Variants in LPIN1 observed in about 807,000 individuals in gnomAD.
LPIN1 encodes lipin 1.
A neutral mutation model predicts 107.5 loss-of-function variants in LPIN1; 71 were observed. That is an observed-to-expected ratio of 0.66 (90% confidence interval 0.55 to 0.80). The LOEUF (loss-of-function observed/expected upper bound fraction) is 0.80, where lower values mean the gene tolerates loss of function less well. Ranked by LOEUF, LPIN1 falls within the 30% of genes least tolerant of loss-of-function variation. LPIN1 has a pLI of 0.00. For missense variants in LPIN1, 1,043 were observed against 1,160.6 expected, an observed-to-expected ratio of 0.90 and a Z score of 1.47; for synonymous variants, 445 against 452.6, an observed-to-expected ratio of 0.98 and a Z score of 0.21.
At chr2:11,695,176 A>G (rs983609456) in intron 1 of LPIN1, among the ~76,000 whole-genome samples, 6 of 152,248 alleles carry the variant, frequency 3.9e-5, no homozygotes, top group Non-Finnish European at 8.8e-5. Flanking sequence ...AAAACAACTC[A>G]AAAGTAAACA....
intron 1 of LPIN1, among the ~76,000 whole-genome samples, chr2:11,735,557 A>G (rs1406434868): frequency 1.3e-5 from 2 of 152,152 alleles, no homozygotes; most frequent in Non-Finnish European, 2.9e-5. Context: ...TTAGTCCTTC[A>G]ACAAGTCTTC....
intron 16 of LPIN1, 93 bp from the exon 17 acceptor site, chr2:11,804,977 T>G: frequency 1.2e-6 from 1 of 835,350 alleles, no homozygotes; most frequent in Non-Finnish European, 2.0e-6. Context: ...GTGGGTCTTG[T>G]TTGTGTTTTT....
chr2:11,700,083 T>A (rs1435086407), intron 1 of LPIN1, among the ~76,000 whole-genome samples: 2 of 152,184 alleles, frequency 1.3e-5, no homozygotes, highest in South Asian at 4.1e-4. Flanking sequence ...CTGGTGGCCA[T>A]CTGTCTGCCT....
Position 11,785,922 on chromosome 2 carries a change from C to T in LPIN1, c.1549+846C>T, listed in dbSNP as rs181922319. ...AACAAGATTGTGTGCTGGGTCCCGCCGGCTCCATTCATTCACTCAGTTTTC... is the reference window on the plus strand; with the variant it reads ...AACAAGATTGTGTGCTGGGTCCCGCTGGCTCCATTCATTCACTCAGTTTTC... On this transcript the variant is annotated intron_variant, in intron 10 of 20. Transcript: ENST00000674199. Among the ~76,000 whole-genome samples the T allele has an allele frequency of 1.8e-4, 27 of 152,332 alleles. No homozygotes were observed. The East Asian group carries it at 4.2e-3, about 24-fold the overall frequency.
At chr2:11,729,910 C>T (rs1429165213) in intron 1 of LPIN1, among the ~76,000 whole-genome samples, 1 of 151,878 alleles carries the variant, frequency 6.6e-6, no homozygotes, top group East Asian at 1.9e-4. Flanking sequence ...TGATATTTAA[C>T]CTACTTGGTT....
At chr2:11,761,728 T>C (rs771498544) in intron 1 of LPIN1, among the ~76,000 whole-genome samples, 5 of 152,272 alleles carry the variant, frequency 3.3e-5, no homozygotes, top group Middle Eastern at 3.4e-3. Flanking sequence ...GCTTATTTCA[T>C]AGGGGTTGAG....
In LPIN1 at chr2:11,786,363, C is replaced by T. The variant is rs973594180; in HGVS notation, c.1550-711C>T. On this transcript the variant is annotated intron_variant, in intron 10 of 20. Coordinates refer to ENST00000674199, the MANE Select transcript of LPIN1 (RefSeq NM_001349206.2). This position sits in a 1 kb window ranked among gnomAD's most constrained non-coding sequence, Gnocchi z 4.1. ...GCTCCCAGGGAAGGAGTGGGCGTGG[C>T]TCTGGGCCAGGGAGATGGTCAGAAC... Among the ~76,000 whole-genome samples, 4 of 152,118 alleles carry T rather than the reference C, an allele frequency of 2.6e-5. No homozygotes were observed. The highest frequency in any genetic ancestry group is 4.4e-5 in the Non-Finnish European group (3 of 68,014).
At chr2:11,806,679 T>A (rs772240483) in intron 17 of LPIN1, among the ~76,000 whole-genome samples, 1 of 152,170 alleles carries the variant, frequency 6.6e-6, no homozygotes, top group Non-Finnish European at 1.5e-5. Context: ...AAATTATTAA[T>A]ACAAAAGTTA....
At chr2:11,759,113 T>C (rs180853450) in intron 1 of LPIN1, among the ~76,000 whole-genome samples, 116 of 149,636 alleles carry the variant, frequency 7.8e-4, no homozygotes, top group Non-Finnish European at 1.4e-3. Flanking sequence ...AGTTATGAGC[T>C]AGCTAGCTTG....
At chr2:11,752,452 G>A (rs1287426301) in intron 1 of LPIN1, among the ~76,000 whole-genome samples, 1 of 39,630 alleles carries the variant, frequency 2.5e-5, no homozygotes, top group African/African-American at 6.5e-4. Flanking sequence ...TTTTTTTTGA[G>A]ACGGAGTCTC....
At chr2:11,749,818 C>CA (rs1401698148) in intron 1 of LPIN1, among the ~76,000 whole-genome samples, 2 of 152,230 alleles carry the variant, frequency 1.3e-5, no homozygotes, top group Non-Finnish European at 2.9e-5. Context: ...GTCATGGCTA[C>CA]AGGGTCATGG....
chr2:11,739,335 G>A (rs796634453), intron 1 of LPIN1, among the ~76,000 whole-genome samples: 3 of 152,352 alleles, frequency 2.0e-5, no homozygotes, highest in East Asian at 3.9e-4. Flanking sequence ...GAGAGCTTGA[G>A]TTAGAGCCAC....
chr2:11,824,258 A>G (rs1682050491), intron 20 of LPIN1, among the ~76,000 whole-genome samples: 2 of 151,516 alleles, frequency 1.3e-5, no homozygotes, highest in Admixed American at 6.6e-5. Flanking sequence ...AGGTGCTCCA[A>G]AGATGTGCCT....
chr2:11,804,443 T>C lies in LPIN1; in HGVS notation c.2034T>C (p.Asn678=), dbSNP rs1343528352. 1 of 1,614,216 alleles carries C rather than the reference T, an allele frequency of 6.2e-7. No individual in the cohort carries two copies. The highest frequency in any genetic ancestry group is 1.7e-5 in the Admixed American group (1 of 60,028). The change falls in exon 16 of 21, where the codon AAT becomes AAC. Residue 678 remains asparagine (N), a synonymous_variant. Coordinates refer to ENST00000674199, the MANE Select transcript of LPIN1 (RefSeq NM_001349206.2). ...SEQLKSLKLK[N]GPNDVVFSVT... Reference sequence around the variant, plus strand: ...TTCAGAAAAGCTTGAAGTTGAAGAATGGCCCCAACGACGTGGTTTTCAGTG... The same window carrying C: ...TTCAGAAAAGCTTGAAGTTGAAGAACGGCCCCAACGACGTGGTTTTCAGTG...
intron 11 of LPIN1, among the ~76,000 whole-genome samples, chr2:11,787,398 C>CTTTTTTTTTTTT (rs1205272301): frequency 3.9e-4 from 25 of 64,528 alleles, no homozygotes; most frequent in Admixed American, 5.0e-4. Flanking sequence ...TTTTCTTTTT[C>CTTTTTTTTTTTT]TTTTTTTTTT....
intron 1 of LPIN1, among the ~76,000 whole-genome samples, chr2:11,689,523 T>C (rs1270449996): frequency 1.3e-5 from 2 of 152,236 alleles, no homozygotes; most frequent in Non-Finnish European, 2.9e-5. Context: ...AAAATATAAT[T>C]TTTCTATCCT....
chr2:11,779,361 C>T (rs894979636), intron 6 of LPIN1, among the ~76,000 whole-genome samples, 158 bp from the exon 7 acceptor site: 2 of 152,278 alleles, frequency 1.3e-5, no homozygotes, highest in South Asian at 2.1e-4. Context: ...CTTCCCTGCC[C>T]CCTGGTGGCC....
Position 11,767,860 on chromosome 2 carries a change from T to G in LPIN1, c.288+2T>G. The stretch of plus-strand genomic sequence containing the variant: ...GTTCAAGAAACAGATAATGATCAGG[T>G]AAGGAAGCCTGGGTGGTCAGGGTTA... On this transcript the variant is annotated splice_donor_variant, in intron 3 of 20. Coordinates refer to ENST00000674199, the MANE Select transcript of LPIN1 (RefSeq NM_001349206.2). LOFTEE classifies it high-confidence loss of function. 1 of 1,588,146 alleles carries G rather than the reference T, an allele frequency of 6.3e-7. No homozygotes were observed. The highest frequency in any genetic ancestry group is 8.6e-7 in the Non-Finnish European group (1 of 1,156,310).
chr2:11,777,202 G>C (rs937044170), intron 6 of LPIN1: 7 of 152,152 alleles, frequency 4.6e-5, no homozygotes, highest in Non-Finnish European at 1.0e-4. Context: ...CCCCATTCCT[G>C]CGTCCTTTTT....
Sources: gnomAD v4.1 joint callset for allele counts (sites outside exome capture counted in the v4.1 genomes callset) on GRCh38, gnomAD v4.1.1 for gene constraint, Gnocchi (gnomAD v3.1) non-coding constraint, MANE v1.5 for transcripts, NCBI Gene and HGNC (gene_info 2026-07-23, HGNC 2026-07-21) for gene names.